Variants in ATF6 observed in about 807,000 individuals in gnomAD.
ATF6 encodes the protein cyclic AMP-dependent transcription factor ATF-6 alpha.
A neutral mutation model predicts 83.6 loss-of-function variants in ATF6; 53 were observed. The observed-to-expected ratio is 0.63, with a 90% confidence interval of 0.51 to 0.80. The LOEUF is 0.80. Ranked by LOEUF, ATF6 falls within the 30% of genes least tolerant of loss-of-function variation. The pLI is 0.00. For synonymous variants in ATF6, 288 were observed against 285.8 expected (o/e 1.01, Z -0.08); for missense variants, 744 against 797.9 (o/e 0.93, Z 0.81).
intron 7 of ATF6, among the ~76,000 whole-genome samples, chr1:161,811,337 C>A (rs769736717): frequency 1.3e-5 from 2 of 152,040 alleles, no homozygotes; most frequent in African/African-American, 4.8e-5. Context: ...ACAGGTAGTT[C>A]GAGAATGATA....
At chr1:161,834,647 G>GA (rs899410270) in intron 9 of ATF6, among the ~76,000 whole-genome samples, 2 of 110,368 alleles carry the variant, frequency 1.8e-5, no homozygotes, top group Non-Finnish European at 3.6e-5. Context: ...AGGGGGGAGG[G>GA]ATAGCATTAG....
chr1:161,900,313 G>A (rs1457985954), intron 14 of ATF6, among the ~76,000 whole-genome samples: 2 of 151,888 alleles, frequency 1.3e-5, no homozygotes, highest in South Asian at 2.1e-4. Context: ...ATGTCATTTC[G>A]CTTAAAGAAT....
chr1:161,813,677 A>G (rs987808535), intron 7 of ATF6, among the ~76,000 whole-genome samples: 4 of 152,146 alleles, frequency 2.6e-5, no homozygotes, highest in Non-Finnish European at 5.9e-5. Flanking sequence ...CATAAGCACT[A>G]TTCTGGTCTA....
chr1:161,914,517 GTCA>G (rs1688051670), intron 15 of ATF6, among the ~76,000 whole-genome samples: 1 of 152,070 alleles, frequency 6.6e-6, no homozygotes, highest in Non-Finnish European at 1.5e-5. Context: ...TTTTGATCCA[GTCA>G]TCTTTTATTC....
chr1:161,767,042 T>G (rs944864418), intron 1 of ATF6, among the ~76,000 whole-genome samples: 1 of 152,144 alleles, frequency 6.6e-6, no homozygotes, highest in East Asian at 1.9e-4. Flanking sequence ...TTAATGGATA[T>G]TTTGTTTGGT....
intron 4 of ATF6, 100 bp from the exon 5 acceptor site, chr1:161,791,308 C>T: frequency 3.7e-5 from 35 of 946,096 alleles, no homozygotes; most frequent in South Asian, 1.4e-4. Context: ...TTGAAGTTAC[C>T]CTGAAGTGTT....
chr1:161,777,454 A>G (rs1684541708), intron 1 of ATF6, among the ~76,000 whole-genome samples: 1 of 152,216 alleles, frequency 6.6e-6, no homozygotes, highest in Admixed American at 6.5e-5. Context: ...TGAGGAAATC[A>G]TCAGAGCAGT....
intron 15 of ATF6, among the ~76,000 whole-genome samples, chr1:161,913,569 G>A (rs938200065): frequency 4.6e-5 from 7 of 152,092 alleles, no homozygotes; most frequent in Non-Finnish European, 7.4e-5. Context: ...TATTTACTTA[G>A]CCTTACAAAG....
rs755729868 is a variant in ATF6 at position 161,802,036 on chromosome 1, C to T, written c.689-16C>T. 2 of 1,613,484 alleles carry T rather than the reference C, an allele frequency of 1.2e-6. No individual in the cohort carries two copies. The highest frequency in any genetic ancestry group is 1.1e-5 in the South Asian group (1 of 91,054). ...AGTTGTGTACCCTTTGATTCCTTTT[C>T]TTTTTTCTAACGCAGGCCAGACGGT... On this transcript the variant is annotated splice_polypyrimidine_tract_variant and intron_variant, in intron 6 of 15. Coordinates refer to ENST00000367942, the MANE Select transcript of ATF6 (RefSeq NM_007348.4).
Position 161,903,012 on chromosome 1 carries a change from C to G in ATF6, c.1720-9284C>G, listed in dbSNP as rs559544945. Among the ~76,000 whole-genome samples, 17 of 152,184 alleles carry G rather than the reference C, an allele frequency of 1.1e-4. No homozygotes were observed. In the South Asian group the frequency reaches 3.3e-3, roughly 30 times the overall value. On this transcript the variant is annotated intron_variant, in intron 14 of 15. Coordinates refer to ENST00000367942, the MANE Select transcript of ATF6 (RefSeq NM_007348.4). ...CTTTATCTACCTCTTTTCATCTTTCCAACTTCCAGACCTTTTTTTTCTGCT... is the reference window on the plus strand; with the variant it reads ...CTTTATCTACCTCTTTTCATCTTTCGAACTTCCAGACCTTTTTTTTCTGCT...
chr1:161,827,471 C>T (rs964327217), intron 9 of ATF6, among the ~76,000 whole-genome samples: 2 of 151,936 alleles, frequency 1.3e-5, no homozygotes, highest in African/African-American at 4.8e-5. Context: ...TTGTTAAGTA[C>T]CACAAAATTA....
At chr1:161,796,269 A>T (rs1330577590) in intron 6 of ATF6, among the ~76,000 whole-genome samples, 1 of 152,220 alleles carries the variant, frequency 6.6e-6, no homozygotes, top group Non-Finnish European at 1.5e-5. Flanking sequence ...TAAGTTGCCT[A>T]ATTCATTATA....
Position 161,959,669 on chromosome 1 carries a change from C to CAAAA in ATF6, c.*1037_*1040dup, listed in dbSNP as rs55853407. 6.9e-5 allele frequency: 6 copies of CAAAA among 87,482 alleles called. No homozygotes were observed. Among genetic ancestry groups the CAAAA allele is most frequent in the Admixed American group, 1.3e-4 (1 of 7,990 alleles). The allele number at this position is 87,482 out of a possible 1,614,324, so 5.4% of individuals were successfully genotyped here. Reference sequence around the variant, plus strand: ...TGGGCGACAGAGCGAGACTCCGTCTCAAAAAAAAAAAAAAAAAAAAAAAAA... The same window carrying CAAAA: ...TGGGCGACAGAGCGAGACTCCGTCTCAAAAAAAAAAAAAAAAAAAAAAAAAAAAA... On this transcript the variant is annotated 3_prime_UTR_variant, in exon 16 of 16. Coordinates refer to ENST00000367942, the MANE Select transcript of ATF6 (RefSeq NM_007348.4).
At chr1:161,808,019 A>G (rs1394891963) in intron 7 of ATF6, among the ~76,000 whole-genome samples, 2 of 151,116 alleles carry the variant, frequency 1.3e-5, no homozygotes, top group Non-Finnish European at 3.0e-5. Flanking sequence ...AGCTGGGACT[A>G]CAGCTATGTG....
chr1:161,772,525 G>A (rs1274674056), intron 1 of ATF6, among the ~76,000 whole-genome samples: 1 of 152,154 alleles, frequency 6.6e-6, no homozygotes, highest in Non-Finnish European at 1.5e-5. Context: ...CAACATGTTT[G>A]CTTTCTCTTT....
At chr1:161,916,862 C>T (rs1688112185) in intron 15 of ATF6, among the ~76,000 whole-genome samples, 1 of 152,214 alleles carries the variant, frequency 6.6e-6, no homozygotes, top group Non-Finnish European at 1.5e-5. Context: ...AATGTTGTCA[C>T]TACTTCAAAA....
intron 1 of ATF6, among the ~76,000 whole-genome samples, chr1:161,772,459 C>A (rs1410069732): frequency 6.6e-6 from 1 of 152,218 alleles, no homozygotes; most frequent in East Asian, 1.9e-4. Context: ...TCTCTCCCAT[C>A]CTTTGAATCA....
intron 7 of ATF6, among the ~76,000 whole-genome samples, chr1:161,816,941 T>C (rs1685627610): frequency 6.6e-6 from 1 of 152,232 alleles, no homozygotes; most frequent in South Asian, 2.1e-4. Flanking sequence ...AGATAAAACA[T>C]TGGAGCCCTG....
intron 15 of ATF6, among the ~76,000 whole-genome samples, chr1:161,942,381 A>G (rs1172816050): frequency 6.6e-6 from 1 of 152,222 alleles, no homozygotes; most frequent in Non-Finnish European, 1.5e-5. Flanking sequence ...CCTGTGCTCC[A>G]GAATGCAGTG....
Sources: gnomAD v4.1 joint callset for allele counts (sites outside exome capture counted in the v4.1 genomes callset) on GRCh38, gnomAD v4.1.1 for gene constraint, MANE v1.5 for transcripts, NCBI Gene and HGNC (gene_info 2026-07-23, HGNC 2026-07-21) for gene names.